ALOX5: variants seen among roughly 807,000 people sequenced by gnomAD.
ALOX5 encodes arachidonate 5-lipoxygenase.
Under a neutral mutation model 87.9 loss-of-function variants are expected in ALOX5, and 64 were observed. The ratio of observed to expected loss-of-function variants is 0.73; its 90% CI spans 0.60 to 0.90. The LOEUF (loss-of-function observed/expected upper bound fraction) is 0.90, where lower values mean the gene tolerates loss of function less well. Among genes scored for constraint, ALOX5 ranks in the 40% least tolerant of loss-of-function variants. ALOX5 has a pLI of 0.00. For missense variants in ALOX5, 822 were observed against 907.5 expected, an observed-to-expected ratio of 0.91 and a Z score of 1.21; for synonymous variants, 388 against 355.1, an observed-to-expected ratio of 1.09 and a Z score of -1.04.
At chr10:45,411,246 G>C (rs1045951974) in intron 3 of ALOX5, among the ~76,000 whole-genome samples, 1 of 152,106 alleles carries the variant, frequency 6.6e-6, no homozygotes, top group African/African-American at 2.4e-5. Flanking sequence ...GTTTTGGCCG[G>C]CTTCTTTACC....
At chr10:45,444,079 C>T (rs1239739340) in intron 12 of ALOX5, 37 bp from the exon 13 acceptor site, 3 of 1,502,474 alleles carry the variant, frequency 2.0e-6, no homozygotes, top group Non-Finnish European at 2.7e-6. Context: ...AGCAGGGCTT[C>T]GGGGGTGCCC....
intron 7 of ALOX5, among the ~76,000 whole-genome samples, chr10:45,437,304 G>A (rs184932088): frequency 1.3e-5 from 2 of 152,204 alleles, no homozygotes; most frequent in African/African-American, 4.8e-5. Context: ...AGTGAGCTGC[G>A]ATCACACCAC....
Position 45,374,414 on chromosome 10 carries a change from C to T in ALOX5, c.135C>T (p.Asp45=). Reference sequence around the variant, plus strand: ...TGCTGGACAAGCCCTTCTACAACGACTTCGAGCGTGGCGCGGTGAGCGCGG... The same window carrying T: ...TGCTGGACAAGCCCTTCTACAACGATTTCGAGCGTGGCGCGGTGAGCGCGG... The part of the protein sequence containing the change: ...KHLLDKPFYN[D]FERGAVDSYD... Residue 45 remains aspartate (D), a synonymous_variant, in exon 1 of 14, where the codon GAC becomes GAT. Coordinates refer to ENST00000374391, the MANE Select transcript of ALOX5 (RefSeq NM_000698.5). 2 of 1,558,496 alleles carry T rather than the reference C, an allele frequency of 1.3e-6. No individual in the cohort carries two copies. Among genetic ancestry groups the T allele is most frequent in the Non-Finnish European group, 8.6e-7 (1 of 1,158,474 alleles).
intron 3 of ALOX5, among the ~76,000 whole-genome samples, chr10:45,405,764 T>G (rs1840861763): frequency 6.8e-6 from 1 of 147,576 alleles, no homozygotes; most frequent in Non-Finnish European, 1.5e-5. Flanking sequence ...TGAGACAGAG[T>G]CTTGCTCTGT....
chr10:45,425,972 G>A lies in ALOX5; in HGVS notation c.834+840G>A, dbSNP rs1841689868. On this transcript the variant is annotated intron_variant, in intron 6 of 13. Transcript: ENST00000374391. This position sits in a 1 kb window ranked among gnomAD's most constrained non-coding sequence, Gnocchi z 4.4. ...CTGAATCTAGAGGGCCACCCACCCA[G>A]CTGAAGTCCCTGGGCAAGTCTCCTG... Among the ~76,000 whole-genome samples the A allele has an allele frequency of 1.3e-5, 2 of 152,296 alleles. No individual in the cohort carries two copies. Among genetic ancestry groups the A allele is most frequent in the Middle Eastern group, 3.4e-3 (1 of 294 alleles).
chr10:45,390,136 G>C (rs1198111918), intron 2 of ALOX5, among the ~76,000 whole-genome samples: 1 of 152,208 alleles, frequency 6.6e-6, no homozygotes, highest in Non-Finnish European at 1.5e-5. Context: ...AACAAGAAGA[G>C]CTAACTATCC....
intron 2 of ALOX5, among the ~76,000 whole-genome samples, chr10:45,384,450 G>A (rs1254129294): frequency 6.6e-6 from 1 of 152,164 alleles, no homozygotes; most frequent in African/African-American, 2.4e-5. Context: ...ATTTAGGAAA[G>A]GCTTCACTGG....
intron 2 of ALOX5, among the ~76,000 whole-genome samples, chr10:45,391,556 C>T (rs1166216740): frequency 2.6e-5 from 4 of 151,912 alleles, no homozygotes; most frequent in South Asian, 2.1e-4. Flanking sequence ...GGCCACCCAT[C>T]GTCTGGGATG....
At position 45,382,568 on chromosome 10, in the gene ALOX5, A is replaced by C. The variant is rs775311393; in HGVS notation, c.236A>C (p.Asp79Ala). The C allele has an allele frequency of 1.2e-6, 2 of 1,614,152 alleles. No homozygotes were observed. The highest frequency in any genetic ancestry group is 3.3e-5 in the Admixed American group (2 of 60,014). Reference protein sequence around the residue: ...RIEKRKYWLNDDWYLKYITLK... With the variant: ...RIEKRKYWLNADWYLKYITLK... ...GAGAAGCGCAAGTACTGGCTGAATG[A>C]CGACTGGTACCTGAAGTACATCACG... Residue 79 changes from aspartate (D) to alanine (A), a missense_variant, in exon 2 of 14, where the codon GAC (aspartate) becomes GCC (alanine). Coordinates refer to ENST00000374391, the MANE Select transcript of ALOX5 (RefSeq NM_000698.5).
At chr10:45,396,453 A>G (rs531616401) in intron 3 of ALOX5, among the ~76,000 whole-genome samples, 5 of 152,346 alleles carry the variant, frequency 3.3e-5, no homozygotes, top group African/African-American at 9.6e-5. Flanking sequence ...AAAGAATACT[A>G]TGAACAATTG....
chr10:45,416,921 CAG>C (rs915970089), intron 4 of ALOX5, among the ~76,000 whole-genome samples: 2 of 150,878 alleles, frequency 1.3e-5, no homozygotes, highest in Non-Finnish European at 3.0e-5. Context: ...GAAGTATAGA[CAG>C]AGAGATGGAT....
At chr10:45,427,609 CCAGG>C (rs1841762779) in intron 6 of ALOX5, among the ~76,000 whole-genome samples, 1 of 152,224 alleles carries the variant, frequency 6.6e-6, no homozygotes. Flanking sequence ...TGGGATGTCT[CCAGG>C]CAGAGTAGAT....
chr10:45,383,328 G>C (rs530880388), intron 2 of ALOX5, among the ~76,000 whole-genome samples: 3 of 152,266 alleles, frequency 2.0e-5, no homozygotes, highest in African/African-American at 7.2e-5. Context: ...ACACACAGCT[G>C]ACCTGGTACA....
rs767933146 is a variant in ALOX5, at chr10:45,374,358, G to T, written c.79G>T (p.Val27Leu). 3.2e-6 allele frequency: 5 copies of T among 1,548,010 alleles called. No individual in the cohort carries two copies. The highest frequency in any genetic ancestry group is 4.0e-5 in the Admixed American group (2 of 49,880). Residue 27 changes from valine to leucine, a missense_variant, in exon 1 of 14, where the codon GTG (valine) becomes TTG (leucine). Physicochemically the swap from Val to Leu is conservative, Grantham distance 32. Transcript: ENST00000374391. ...TGACGACTACATCTACCTCAGCCTCGTGGGCTCGGCGGGCTGCAGCGAGAA... is the reference window on the plus strand; with the variant it reads ...TGACGACTACATCTACCTCAGCCTCTTGGGCTCGGCGGGCTGCAGCGAGAA... ...GTDDYIYLSLVGSAGCSEKHL... is the reference protein window; with the variant it reads ...GTDDYIYLSLLGSAGCSEKHL...
chr10:45,381,709 G>A (rs60842538), intron 1 of ALOX5, among the ~76,000 whole-genome samples: 25,101 of 152,280 alleles, frequency 0.16, 2,139 homozygotes, highest in South Asian at 0.19. Flanking sequence ...CAGTCAGCAG[G>A]CGTTGCCCTC....
At chr10:45,431,278 T>C (rs2132825040) in intron 7 of ALOX5, among the ~76,000 whole-genome samples, 1 of 152,270 alleles carries the variant, frequency 6.6e-6, no homozygotes, top group East Asian at 1.9e-4. Context: ...GATATCACTG[T>C]TTTTATTCAA....
chr10:45,378,055 G>A (rs970888206), intron 1 of ALOX5, among the ~76,000 whole-genome samples: 2 of 151,998 alleles, frequency 1.3e-5, no homozygotes, highest in African/African-American at 4.8e-5. Context: ...CTCCTCCCAC[G>A]TGTGAATCCC....
At chr10:45,428,833 C>G in intron 7 of ALOX5, 69 bp downstream of exon 7, 2 of 1,573,342 alleles carry the variant, frequency 1.3e-6, no homozygotes, top group East Asian at 2.2e-5. Flanking sequence ...CTGGGTGGCT[C>G]CATTCACACT....
chr10:45,436,660 G>A (rs919566817), intron 7 of ALOX5, among the ~76,000 whole-genome samples: 2 of 152,072 alleles, frequency 1.3e-5, no homozygotes, highest in Non-Finnish European at 2.9e-5. Flanking sequence ...CTGTAGTCTT[G>A]TAGTATAGTT....
Sources: gnomAD v4.1 joint callset for allele counts (sites outside exome capture counted in the v4.1 genomes callset) on GRCh38, gnomAD v4.1.1 for gene constraint, Gnocchi (gnomAD v3.1) non-coding constraint, MANE v1.5 for transcripts, NCBI Gene and HGNC (gene_info 2026-07-23, HGNC 2026-07-21) for gene names.